SDK1: variants seen among roughly 807,000 people sequenced by gnomAD.
SDK1 encodes the protein protein sidekick-1.
Under a neutral mutation model 245.5 loss-of-function variants are expected in SDK1, and 157 were observed. The ratio of observed to expected loss-of-function variants is 0.64; its 90% confidence interval spans 0.56 to 0.73. The LOEUF (loss-of-function observed/expected upper bound fraction) is 0.73, where lower values mean the gene tolerates loss of function less well. Ranked by LOEUF, SDK1 falls within the 30% of genes least tolerant of loss-of-function variation. SDK1 has a pLI of 0.00. For synonymous variants in SDK1, 1,647 were observed against 1,278.5 expected (o/e 1.29, Z -6.15); for missense variants, 3,583 against 3,002.3 (o/e 1.19, Z -4.52).
At chr7:4,241,688 G>T (rs1020325638) in intron 42 of SDK1, 105 bp from the exon 43 acceptor site, 26 of 1,424,174 alleles carry the variant, frequency 1.8e-5, no homozygotes, top group Non-Finnish European at 2.2e-5. Context: ...TGGGCTCTGC[G>T]TGCAGCAGGA....
At chr7:3,413,824 A>T (rs544939058) in intron 1 of SDK1, among the ~76,000 whole-genome samples, 6 of 152,200 alleles carry the variant, frequency 3.9e-5, no homozygotes, top group Non-Finnish European at 7.3e-5. Context: ...TGCCATCTCT[A>T]CAAAAAATTA....
At chr7:3,483,688 A>G (rs1030826010) in intron 1 of SDK1, among the ~76,000 whole-genome samples, 9 of 152,124 alleles carry the variant, frequency 5.9e-5, no homozygotes, top group Non-Finnish European at 1.5e-5. Flanking sequence ...TTTTTGATAT[A>G]TACCTTTTAT....
chr7:4,015,197 C>T (rs1414362987), intron 16 of SDK1, among the ~76,000 whole-genome samples: 1 of 152,176 alleles, frequency 6.6e-6, no homozygotes, highest in African/African-American at 2.4e-5. Context: ...AACCAAGGCT[C>T]AGAGAAGTTT....
At chr7:3,383,406 T>C (rs1390171041) in intron 1 of SDK1, among the ~76,000 whole-genome samples, 1 of 152,112 alleles carries the variant, frequency 6.6e-6, no homozygotes, top group African/African-American at 2.4e-5. Flanking sequence ...GAGACCCTGT[T>C]TCTATTAAAA....
rs116000054 is a variant in SDK1, at chr7:3,344,596, C to T, written c.298+42712C>T. ...CTCTTGTTATCATAAATAGAAGATACCCCAAAATTTGCAACAAATGTTAAA... is the reference window on the plus strand; with the variant it reads ...CTCTTGTTATCATAAATAGAAGATATCCCAAAATTTGCAACAAATGTTAAA... On this transcript the variant is annotated intron_variant, in intron 1 of 44. Transcript: ENST00000404826. Among the ~76,000 whole-genome samples, 974 of 152,214 alleles carry T rather than the reference C, an allele frequency of 6.4e-3. 6 individuals carry two copies. Among genetic ancestry groups the T allele is most frequent in the South Asian group, 0.024 (117 of 4,810 alleles).
chr7:4,200,423 A>C (rs1163561298), intron 35 of SDK1, among the ~76,000 whole-genome samples: 1 of 152,210 alleles, frequency 6.6e-6, no homozygotes, highest in Non-Finnish European at 1.5e-5. Context: ...CACATCTCCT[A>C]CCTTGGTTTC....
intron 9 of SDK1, among the ~76,000 whole-genome samples, chr7:3,966,720 C>G (rs1437083554): frequency 6.6e-6 from 1 of 151,994 alleles, no homozygotes; most frequent in Non-Finnish European, 1.5e-5. Context: ...AGGTCTCACT[C>G]TGTCACCCAG....
At chr7:3,760,809 C>G (rs968436385) in intron 4 of SDK1, among the ~76,000 whole-genome samples, 5 of 152,310 alleles carry the variant, frequency 3.3e-5, no homozygotes, top group African/African-American at 9.6e-5. Context: ...CGGCACGTAG[C>G]CATCTGGGTG....
chr7:3,436,692 G>A (rs900681912), intron 1 of SDK1, among the ~76,000 whole-genome samples: 1 of 152,186 alleles, frequency 6.6e-6, no homozygotes, highest in East Asian at 1.9e-4. Context: ...TATTTTGAAG[G>A]TGACTGAACC....
chr7:3,889,801 C>T (rs1781416521), intron 5 of SDK1, among the ~76,000 whole-genome samples: 1 of 152,170 alleles, frequency 6.6e-6, no homozygotes, highest in South Asian at 2.1e-4. Flanking sequence ...AGCCATCGTG[C>T]CTGGCCTATA....
rs560975063 is a variant in SDK1 at position 4,125,037 on chromosome 7, AATAG to A, written c.3824-2341_3824-2338del. On this transcript the variant is annotated intron_variant, in intron 25 of 44. Transcript: ENST00000404826. ...GGATGGGTAAATGGATGGATGAATGAATAGATGGATGGATGGATGGGTAATGGGT... is the reference window on the plus strand; with the variant it reads ...GGATGGGTAAATGGATGGATGAATGAATGGATGGATGGATGGGTAATGGGT... 3.7e-4 allele frequency among the ~76,000 whole-genome samples: 54 copies of A among 145,906 alleles called. No individual in the cohort carries two copies. In the South Asian group the frequency reaches 5.6e-3, roughly 15 times the overall value.
chr7:4,191,716 G>C (rs143136014), intron 35 of SDK1, among the ~76,000 whole-genome samples: 2 of 152,246 alleles, frequency 1.3e-5, no homozygotes, highest in African/African-American at 2.4e-5. Flanking sequence ...AGTCTGCAAG[G>C]GTTAGGGTCT....
chr7:3,664,111 C>G (rs1783451594), intron 4 of SDK1, among the ~76,000 whole-genome samples: 1 of 152,010 alleles, frequency 6.6e-6, no homozygotes, highest in Non-Finnish European at 1.5e-5. Flanking sequence ...TTGGAATTAG[C>G]CCAGTGAGCA....
chr7:3,503,875 G>A (rs187883527), intron 1 of SDK1, among the ~76,000 whole-genome samples: 54 of 152,222 alleles, frequency 3.5e-4, no homozygotes, highest in Non-Finnish European at 6.3e-4. Flanking sequence ...ATAAAGGCAA[G>A]GCATGGTGGC....
chr7:3,719,210 CAGAG>C (rs1243661628), intron 4 of SDK1, among the ~76,000 whole-genome samples: 1 of 147,472 alleles, frequency 6.8e-6, no homozygotes, highest in Non-Finnish European at 1.5e-5. Context: ...CCTAAAAAAT[CAGAG>C]AGACTTTGGG....
At chr7:4,123,875 G>T (rs916666994) in intron 25 of SDK1, among the ~76,000 whole-genome samples, 7 of 152,218 alleles carry the variant, frequency 4.6e-5, no homozygotes, top group African/African-American at 1.7e-4. Context: ...GAGAAGGGAA[G>T]GGAGAGATGC....
chr7:3,749,549 T>G (rs1255607483), intron 4 of SDK1, among the ~76,000 whole-genome samples: 2 of 152,202 alleles, frequency 1.3e-5, no homozygotes, highest in African/African-American at 2.4e-5. Context: ...TCCGCCCGCC[T>G]TGGCCTCCCA....
chr7:3,962,943 A>G lies in SDK1; in HGVS notation c.1429+92A>G, dbSNP rs1781816833. On this transcript the variant is annotated intron_variant, in intron 9 of 44. Coordinates refer to ENST00000404826, the MANE Select transcript of SDK1 (RefSeq NM_152744.4). ...CTACCTGGATGTAACCAGTGGGTAC[A>G]CCCAGGCTCACAGCTACCTGACCTG... The G allele has an allele frequency of 7.2e-5, 36 of 500,042 alleles. 1 individual carries two copies. In the South Asian group the frequency reaches 1.2e-3, roughly 16 times the overall value. 31.0% of individuals were successfully genotyped at this position (500,042 alleles called of 1,614,324 possible).
chr7:3,882,118 A>G (rs1483788302), intron 5 of SDK1, among the ~76,000 whole-genome samples: 6 of 152,192 alleles, frequency 3.9e-5, no homozygotes, highest in Non-Finnish European at 7.3e-5. Context: ...AAACTCCTAT[A>G]AAATCATCAG....
Sources: gnomAD v4.1 joint callset for allele counts (sites outside exome capture counted in the v4.1 genomes callset) on GRCh38, gnomAD v4.1.1 for gene constraint, MANE v1.5 for transcripts, NCBI Gene and HGNC (gene_info 2026-07-23, HGNC 2026-07-21) for gene names.